Variants in OTUD7A observed in about 807,000 individuals in gnomAD.
OTUD7A encodes OTU domain-containing protein 7A.
In OTUD7A, 12 loss-of-function variants were observed where a neutral mutation model predicts 65.7. That is an observed-to-expected ratio of 0.18 (90% CI 0.12 to 0.30). The LOEUF (loss-of-function observed/expected upper bound fraction) is 0.30, where lower values mean the gene tolerates loss of function less well. OTUD7A is among the 10% of genes least tolerant of loss of function. OTUD7A has a pLI of 1.00. For missense variants in OTUD7A, 1,148 were observed against 1,304.8 expected, an observed-to-expected ratio of 0.88 and a Z score of 1.85; for synonymous variants, 641 against 586.3, an observed-to-expected ratio of 1.09 and a Z score of -1.35.
intron 1 of OTUD7A, among the ~76,000 whole-genome samples, chr15:31,841,217 T>C (rs775458204): frequency 3.9e-5 from 6 of 152,094 alleles, no homozygotes; most frequent in African/African-American, 7.2e-5. Flanking sequence ...ACAGAGTCCC[T>C]TGGCAAGGCA....
chr15:31,638,379 T>TG, intron 3 of OTUD7A, among the ~76,000 whole-genome samples: 2 of 8,846 alleles, frequency 2.3e-4, no homozygotes, highest in East Asian at 0.043. Context: ...TAAAGATAAC[T>TG]TTTTTTTTTT....
chr15:31,495,413 C>T (rs2041369263), intron 10 of OTUD7A, among the ~76,000 whole-genome samples: 1 of 152,312 alleles, frequency 6.6e-6, no homozygotes, highest in East Asian at 1.9e-4. Context: ...TCCTGGCCAC[C>T]TCATGGTGCT....
At chr15:31,576,623 G>T (rs1889211360) in intron 3 of OTUD7A, among the ~76,000 whole-genome samples, 1 of 152,076 alleles carries the variant, frequency 6.6e-6, no homozygotes, top group South Asian at 2.1e-4. Context: ...ACCACCTTGG[G>T]TACATGCACT....
chr15:31,750,993 T>C (rs1214300979), intron 1 of OTUD7A, among the ~76,000 whole-genome samples: 1 of 151,792 alleles, frequency 6.6e-6, no homozygotes, highest in African/African-American at 2.4e-5. Flanking sequence ...ACCTAGAAAA[T>C]ACCCTTCTGG....
chr15:31,549,664 T>C (rs1208089279), intron 5 of OTUD7A, among the ~76,000 whole-genome samples: 1 of 151,792 alleles, frequency 6.6e-6, no homozygotes, highest in Non-Finnish European at 1.5e-5. Flanking sequence ...GGGCAGATGG[T>C]AGAATATAAA....
chr15:31,685,618 C>T (rs1292193416), intron 1 of OTUD7A, among the ~76,000 whole-genome samples: 1 of 152,222 alleles, frequency 6.6e-6, no homozygotes, highest in Non-Finnish European at 1.5e-5. Flanking sequence ...AAGATCGCAC[C>T]ACTGCACTCC....
At chr15:31,747,290 T>C (rs535777314) in intron 1 of OTUD7A, among the ~76,000 whole-genome samples, 48 of 152,284 alleles carry the variant, frequency 3.2e-4, no homozygotes, top group African/African-American at 8.2e-4. Flanking sequence ...CTAGAAGCAA[T>C]GAGCACATCC....
At position 31,655,031 on chromosome 15, in the gene OTUD7A, ATCT is replaced by A. The variant is rs200017485; in HGVS notation, c.151+62_151+64del. On this transcript the variant is annotated intron_variant, in intron 3 of 12. Transcript: ENST00000307050. ...GTACCACTGTCATCAGGTATTGGAA[ATCT>A]TCTTATTTGGAAGGTGGTTATGCCC... 681 of 1,550,886 alleles carry A rather than the reference ATCT, an allele frequency of 4.4e-4. 5 individuals carry two copies. In the Middle Eastern group the frequency reaches 7.8e-3, roughly 18 times the overall value.
At chr15:31,696,085 G>T (rs1320710843) in intron 1 of OTUD7A, among the ~76,000 whole-genome samples, 1 of 152,122 alleles carries the variant, frequency 6.6e-6, no homozygotes. Flanking sequence ...AGTCCCCTGT[G>T]CAGGGGGTTG....
chr15:31,857,774 A>G (rs557564253), intron 1 of OTUD7A, among the ~76,000 whole-genome samples: 1 of 152,174 alleles, frequency 6.6e-6, no homozygotes, highest in Non-Finnish European at 1.5e-5. Context: ...TTGATTGCTC[A>G]CTTTTTCTTA....
At chr15:31,846,005 C>T (rs529046500) in intron 1 of OTUD7A, among the ~76,000 whole-genome samples, 16 of 152,332 alleles carry the variant, frequency 1.1e-4, no homozygotes, top group South Asian at 2.1e-4. Context: ...GTTCCAGGGG[C>T]TGCCTCCACC....
chr15:31,638,166 A>T (rs1392774585), intron 3 of OTUD7A, among the ~76,000 whole-genome samples: 1 of 152,044 alleles, frequency 6.6e-6, no homozygotes, highest in Non-Finnish European at 1.5e-5. Context: ...TGTCACAGCC[A>T]CCCCAACCTT....
intron 1 of OTUD7A, among the ~76,000 whole-genome samples, chr15:31,817,281 C>G (rs1178814062): frequency 6.7e-6 from 1 of 149,558 alleles, no homozygotes; most frequent in Non-Finnish European, 1.5e-5. Flanking sequence ...ATTTGCCCCC[C>G]CCCATCACTC....
intron 3 of OTUD7A, among the ~76,000 whole-genome samples, chr15:31,610,615 ATATTT>A (rs1294483677): frequency 3.0e-5 from 1 of 32,848 alleles, no homozygotes. Context: ...ATATATATAT[ATATTT>A]TTTTTTTTTT....
At chr15:31,768,344 A>G (rs1265780866) in intron 1 of OTUD7A, 2 of 593,384 alleles carry the variant, frequency 3.4e-6, no homozygotes, top group South Asian at 2.1e-5. Context: ...TTGGCCTCAC[A>G]ATTTCTATAC....
intron 3 of OTUD7A, among the ~76,000 whole-genome samples, chr15:31,578,292 A>G (rs1222358981): frequency 3.3e-5 from 5 of 152,216 alleles, no homozygotes; most frequent in Non-Finnish European, 7.3e-5. Context: ...TTTAACATCC[A>G]CATTTAACAT....
At chr15:31,866,893 T>A (rs74960416) in intron 1 of OTUD7A, among the ~76,000 whole-genome samples, 4 of 152,346 alleles carry the variant, frequency 2.6e-5, no homozygotes, top group Non-Finnish European at 5.9e-5. Flanking sequence ...TTAAATGGAA[T>A]GAGAAGCATA....
chr15:31,585,855 T>C (rs1889519036), intron 3 of OTUD7A, among the ~76,000 whole-genome samples: 1 of 151,918 alleles, frequency 6.6e-6, no homozygotes, highest in Non-Finnish European at 1.5e-5. Context: ...TTTCCGGGAG[T>C]TGTAATGACA....
chr15:31,751,101 C>G (rs1309207553), intron 1 of OTUD7A, among the ~76,000 whole-genome samples: 3 of 152,168 alleles, frequency 2.0e-5, no homozygotes, highest in Non-Finnish European at 4.4e-5. Context: ...TACAGAGCTT[C>G]TGCACAGCAA....
Sources: allele counts gnomAD v4.1 joint callset (sites outside exome capture counted in the v4.1 genomes callset), GRCh38; gene constraint gnomAD v4.1.1; transcripts MANE v1.5; gene names NCBI Gene and HGNC (gene_info 2026-07-23, HGNC 2026-07-21).